Variants in AP1M2 observed in about 807,000 individuals in gnomAD.
AP1M2 encodes AP-1 complex subunit mu-2.
A neutral mutation model predicts 54.6 loss-of-function variants in AP1M2; 41 were observed. The ratio of observed to expected loss-of-function variants is 0.75; its 90% confidence interval spans 0.59 to 0.97. AP1M2 has a LOEUF of 0.97. Among genes scored for constraint, AP1M2 ranks in the 50% least tolerant of loss-of-function variants. The pLI, the probability that AP1M2 is intolerant of heterozygous loss-of-function variation, is 0.00. For synonymous variants in AP1M2, 219 were observed against 215.9 expected, an observed-to-expected ratio of 1.01 and a Z score of -0.13; for missense variants, 507 against 561.2, an observed-to-expected ratio of 0.90 and a Z score of 0.98.
intron 3 of AP1M2, among the ~76,000 whole-genome samples, chr19:10,582,226 T>C (rs1395454609): frequency 6.6e-6 from 1 of 151,886 alleles, no homozygotes; most frequent in African/African-American, 2.4e-5. Flanking sequence ...GTATTTTTAG[T>C]AGAGACGGGG....
intron 2 of AP1M2, 71 bp downstream of exon 2, chr19:10,583,843 C>A: frequency 6.5e-7 from 1 of 1,533,396 alleles, no homozygotes; most frequent in Non-Finnish European, 8.8e-7. Flanking sequence ...CCCACCCTCT[C>A]TTGGCCTGAG....
chr19:10,585,298 A>AGAAAGAAGGAAGGAAG (rs1555753887), intron 1 of AP1M2, among the ~76,000 whole-genome samples: 5 of 87,270 alleles, frequency 5.7e-5, no homozygotes, highest in African/African-American at 1.2e-4. Flanking sequence ...AAAGAAAGAA[A>AGAAAGAAGGAAGGAAG]GAAAGAAAGA....
At chr19:10,573,148 G>T in intron 11 of AP1M2, 60 bp from the exon 12 acceptor site, 1 of 1,472,206 alleles carries the variant, frequency 6.8e-7, no homozygotes, top group Non-Finnish European at 9.3e-7. Flanking sequence ...GCCGGGCACG[G>T]TGACTCACGC....
Position 10,583,947 on chromosome 19 carries a change from GGA to G in AP1M2, c.164_165del (p.Val55AlafsTer31). 1 of 1,601,890 alleles carries G rather than the reference GGA, an allele frequency of 6.2e-7. No individual in the cohort carries two copies. Among genetic ancestry groups the G allele is most frequent in the Non-Finnish European group, 8.5e-7 (1 of 1,174,488 alleles). ...TTGCTGTGTTTGATCCATAGGAAGT[GGA>G]CCTGGCCGTGGCTCAGCAGCGGGGC... ...ALAPLLSHGQ[V>X]HFLWIKHSNL... is the part of the protein sequence containing the mutation. On this transcript the variant is annotated frameshift_variant, in exon 2 of 12. Transcript: ENST00000250244. LOFTEE classifies it high-confidence loss of function.
Position 10,575,020 on chromosome 19 carries a change from C to A in AP1M2, c.1057G>T (p.Glu353Ter). The A allele has an allele frequency of 6.6e-7, 1 of 1,517,742 alleles. No homozygotes were observed. The highest frequency in any genetic ancestry group is 2.4e-5 in the East Asian group (1 of 41,210). The allele number at this position is 1,517,742 out of a possible 1,614,324, so 94.0% of individuals were successfully genotyped here. ...CCAAAGTGGGCTCGCATCAAGTACT[C>A]CTTGCCCCCCTGAGGGAACATGGGG... ...WSIKSFPGGK[E>*]YLMRAHFGLP... Residue 353 changes from glutamate (E) to a stop codon, truncating the protein, a stop_gained, in exon 10 of 12, where the codon GAG becomes TAG. Coordinates refer to ENST00000250244, the MANE Select transcript of AP1M2 (RefSeq NM_005498.5). LOFTEE classifies it high-confidence loss of function.
Position 10,583,636 on chromosome 19 carries a change from C to A in AP1M2, c.237G>T (p.Leu79=), listed in dbSNP as rs1434426120. The change falls in exon 3 of 12, where the codon CTG becomes CTT. Residue 79 remains leucine (L), a synonymous_variant. Transcript: ENST00000250244. ...TTGTCTTATACAGGAAGGAGTACAC[C>A]AGGGAGGCATTGGCATTCTTCGATG... The part of the protein sequence containing the change: ...ATTSKNANAS[L]VYSFLYKTIE... 6.2e-7 allele frequency: 1 copy of A among 1,613,268 alleles called. No homozygotes were observed. The highest frequency in any genetic ancestry group is 8.5e-7 in the Non-Finnish European group (1 of 1,179,562).
At chr19:10,575,472 C>A (rs945987903) in intron 9 of AP1M2, among the ~76,000 whole-genome samples, 5 of 152,074 alleles carry the variant, frequency 3.3e-5, no homozygotes, top group Non-Finnish European at 4.4e-5. Context: ...CTCTAGTAGC[C>A]AAGGGATGTG....
intron 9 of AP1M2, among the ~76,000 whole-genome samples, chr19:10,575,759 CTTT>C (rs1008650658): frequency 1.6e-5 from 2 of 124,138 alleles, no homozygotes; most frequent in Non-Finnish European, 3.3e-5. Context: ...CTTTTTTTTT[CTTT>C]TTTTTTCTTT....
rs1917680749 is a variant in AP1M2, at chr19:10,587,255, G to A, written c.-24C>T. The A allele has an allele frequency of 1.3e-6, 2 of 1,560,166 alleles. No homozygotes were observed. Among genetic ancestry groups the A allele is most frequent in the Non-Finnish European group, 8.7e-7 (1 of 1,152,428 alleles). On this transcript the variant is annotated 5_prime_UTR_variant, in exon 1 of 12. Coordinates refer to ENST00000250244, the MANE Select transcript of AP1M2 (RefSeq NM_005498.5). ...ATGGTGGCGGCCGAAGGACTTAGGA[G>A]TCGGGGAGGGAGCGCCGGGAGGCGA...
In AP1M2 at chr19:10,584,079, G is replaced by A; in HGVS notation, c.43-9C>T. The A allele has an allele frequency of 6.2e-7, 1 of 1,605,952 alleles. No homozygotes were observed. Among genetic ancestry groups the A allele is most frequent in the Non-Finnish European group, 8.5e-7 (1 of 1,176,634 alleles). ...TTGCGGCTGATCAATGGCTGAGGGT[G>A]GAAGGAAAGGACCTGGTCACCACCA... On this transcript the variant is annotated splice_polypyrimidine_tract_variant and intron_variant, in intron 1 of 11. Transcript: ENST00000250244.
chr19:10,581,418 A>AGCAGGCATCAAACTCCGTCTCCT, intron 5 of AP1M2, 26 bp from the exon 6 acceptor site: 1 of 1,610,388 alleles, frequency 6.2e-7, no homozygotes, highest in African/African-American at 1.3e-5. Context: ...GGGTATAGTT[A>AGCAGGCATCAAACTCCGTCTCCT]GCAGGCATCA....
chr19:10,579,001 A>G, intron 7 of AP1M2, 38 bp from the exon 8 acceptor site: 1 of 1,239,764 alleles, frequency 8.1e-7, no homozygotes, highest in East Asian at 2.5e-5. Context: ...TGGAGACTCC[A>G]TGTTGACTCT....
chr19:10,579,450 A>G (rs1180804915), intron 7 of AP1M2, among the ~76,000 whole-genome samples: 1 of 152,048 alleles, frequency 6.6e-6, no homozygotes, highest in East Asian at 1.9e-4. Context: ...AAAAAAAACA[A>G]ATAAAGCAAT....
intron 1 of AP1M2, among the ~76,000 whole-genome samples, chr19:10,585,328 A>AAAGAAAGAAAG (rs1917618134): frequency 7.1e-6 from 1 of 140,458 alleles, no homozygotes; most frequent in Non-Finnish European, 1.7e-5. Context: ...AGAAAGAAAG[A>AAAGAAAGAAAG]AAGAAAGAAA....
intron 3 of AP1M2, among the ~76,000 whole-genome samples, chr19:10,583,018 G>C (rs957528781): frequency 2.0e-5 from 3 of 151,774 alleles, no homozygotes; most frequent in Non-Finnish European, 4.4e-5. Context: ...TAGAGAAGGG[G>C]TTTCTGCATG....
chr19:10,582,830 C>CTTT (rs142077500), intron 3 of AP1M2, among the ~76,000 whole-genome samples: 44 of 145,066 alleles, frequency 3.0e-4, no homozygotes, highest in African/African-American at 1.1e-3. Context: ...ATGGTGGCTT[C>CTTT]TTTTTTTTTT....
At chr19:10,586,660 GGAATTCCAGGCTGCAGTGAGCTAT>G (rs1185073848) in intron 1 of AP1M2, among the ~76,000 whole-genome samples, 1 of 152,020 alleles carries the variant, frequency 6.6e-6, no homozygotes, top group Non-Finnish European at 1.5e-5. Flanking sequence ...CTTGAGCCCA[GGAATTCCAGGCTGCAGTGAGCTAT>G]GATCGCACCA....
At position 10,581,401 on chromosome 19, in the gene AP1M2, G is replaced by A. The variant is rs1599551876; in HGVS notation, c.547-9C>T. The A allele has an allele frequency of 6.2e-7, 1 of 1,609,558 alleles. No homozygotes were observed. The highest frequency in any genetic ancestry group is 2.2e-5 in the East Asian group (1 of 44,690). ...CTGCCGTTGGCATTGACCTGAGGGA[G>A]GACGTTGGGTATAGTTAGCAGGCAT... is the stretch of plus-strand genomic sequence containing the variant. On this transcript the variant is annotated splice_polypyrimidine_tract_variant and intron_variant, in intron 5 of 11. Transcript: ENST00000250244.
intron 6 of AP1M2, among the ~76,000 whole-genome samples, chr19:10,580,458 G>A (rs967024330): frequency 5.3e-5 from 8 of 152,010 alleles, no homozygotes; most frequent in Admixed American, 1.3e-4. Flanking sequence ...TAAAGAGATC[G>A]AGACCATCCT....
Sources: gnomAD v4.1 joint callset for allele counts (sites outside exome capture counted in the v4.1 genomes callset) on GRCh38, gnomAD v4.1.1 for gene constraint, MANE v1.5 for transcripts, NCBI Gene and HGNC (gene_info 2026-07-23, HGNC 2026-07-21) for gene names.